PKHD1: variants seen among roughly 807,000 people sequenced by gnomAD.
PKHD1 encodes the protein PKHD1 ciliary IPT domain containing fibrocystin/polyductin.
Under a neutral mutation model 412.0 loss-of-function variants are expected in PKHD1, and 291 were observed. The observed-to-expected ratio is 0.71, with a 90% CI of 0.64 to 0.78. The LOEUF (loss-of-function observed/expected upper bound fraction) is 0.78. Among genes scored for constraint, PKHD1 ranks in the 30% least tolerant of loss-of-function variants. PKHD1 has a pLI of 0.00. For missense variants in PKHD1, 4,825 were observed against 4,950.7 expected (o/e 0.97, Z 0.76); for synonymous variants, 1,777 against 1,821.5 (o/e 0.98, Z 0.62).
chr6:51,655,049 G>T (rs1284807932), intron 61 of PKHD1, among the ~76,000 whole-genome samples: 1 of 151,978 alleles, frequency 6.6e-6, no homozygotes, highest in Non-Finnish European at 1.5e-5. Context: ...CAATAATTTT[G>T]CCATCGACCC....
intron 55 of PKHD1, among the ~76,000 whole-genome samples, chr6:51,771,477 G>C (rs1436262436): frequency 5.3e-5 from 8 of 151,954 alleles, no homozygotes; most frequent in Non-Finnish European, 1.2e-4. Flanking sequence ...AAATTAGCTG[G>C]GCATGGTGGT....
chr6:52,042,788 G>A (rs944608137), intron 27 of PKHD1, 71 bp downstream of exon 27: 47 of 1,334,112 alleles, frequency 3.5e-5, no homozygotes, highest in Non-Finnish European at 4.7e-5. Context: ...TACACAGAAG[G>A]ACTAGATTCC....
At chr6:51,787,652 AAG>A (rs1440311871) in intron 53 of PKHD1, among the ~76,000 whole-genome samples, 1 of 152,220 alleles carries the variant, frequency 6.6e-6, no homozygotes, top group Non-Finnish European at 1.5e-5. Context: ...GGATGAAACA[AAG>A]AGAAAAAGAA....
At chr6:51,960,069 G>A in intron 35 of PKHD1, 43 bp from the exon 36 acceptor site, 1 of 1,603,960 alleles carries the variant, frequency 6.2e-7, no homozygotes, top group Non-Finnish European at 8.5e-7. Flanking sequence ...TTGGTTGGTT[G>A]GCTGGTCTGT....
At chr6:51,986,456 T>C (rs538456498) in intron 35 of PKHD1, among the ~76,000 whole-genome samples, 1 of 152,332 alleles carries the variant, frequency 6.6e-6, no homozygotes, top group Admixed American at 6.5e-5. Flanking sequence ...GATGTGAGAC[T>C]TGCAGTCTGA....
intron 60 of PKHD1, among the ~76,000 whole-genome samples, chr6:51,718,600 G>T (rs976755166): frequency 6.6e-6 from 1 of 152,138 alleles, no homozygotes; most frequent in African/African-American, 2.4e-5. Flanking sequence ...TGGGCACAGA[G>T]AGATTATACC....
At chr6:51,882,479 C>T (rs142580578) in intron 46 of PKHD1, among the ~76,000 whole-genome samples, 160 of 152,292 alleles carry the variant, frequency 1.1e-3, no homozygotes, top group African/African-American at 3.8e-3. Context: ...CAGGAACAAA[C>T]TGAAGAGAAT....
intron 36 of PKHD1, among the ~76,000 whole-genome samples, chr6:51,945,059 A>C (rs1298194021): frequency 6.6e-6 from 1 of 152,234 alleles, no homozygotes; most frequent in Non-Finnish European, 1.5e-5. Flanking sequence ...CATTGTCATT[A>C]CATAGAAATG....
intron 37 of PKHD1, among the ~76,000 whole-genome samples, chr6:51,927,988 C>T (rs957515888): frequency 6.6e-6 from 1 of 152,112 alleles, no homozygotes; most frequent in South Asian, 2.1e-4. Context: ...AGGAGGGAGA[C>T]TCAATAGTCA....
intron 43 of PKHD1, among the ~76,000 whole-genome samples, chr6:51,892,495 G>A (rs1779262971): frequency 6.6e-6 from 1 of 152,186 alleles, no homozygotes; most frequent in Non-Finnish European, 1.5e-5. Context: ...CAGGGATGCT[G>A]TTATACAGAG....
At chr6:51,827,211 T>A (rs969654091) in intron 52 of PKHD1, among the ~76,000 whole-genome samples, 2 of 152,090 alleles carry the variant, frequency 1.3e-5, no homozygotes, top group Non-Finnish European at 2.9e-5. Flanking sequence ...AATAAGCCAT[T>A]GGAAAGCAAA....
Position 51,925,385 on chromosome 6 carries a change from A to G in PKHD1, c.6121+8725T>C, listed in dbSNP as rs537144099. The stretch of plus-strand genomic sequence containing the variant: ...CTGTGATGGTTAATTTTGCGCATCA[A>G]CTTGACTGGGCTATGGGGTACCCAC... On this transcript the variant is annotated intron_variant, in intron 37 of 66. Coordinates refer to ENST00000371117, the MANE Select transcript of PKHD1 (RefSeq NM_138694.4). 5.3e-5 allele frequency among the ~76,000 whole-genome samples: 8 copies of G among 152,200 alleles called. No individual in the cohort carries two copies. The East Asian group carries it at 1.5e-3, about 29-fold the overall frequency.
At chr6:51,744,715 T>C (rs1784979403) in intron 59 of PKHD1, among the ~76,000 whole-genome samples, 173 bp from the exon 60 acceptor site, 1 of 152,172 alleles carries the variant, frequency 6.6e-6, no homozygotes, top group Admixed American at 6.5e-5. Flanking sequence ...TTCCCAATTA[T>C]ATGGTCAAGA....
At chr6:51,693,948 G>A (rs1778473269) in intron 60 of PKHD1, among the ~76,000 whole-genome samples, 1 of 152,010 alleles carries the variant, frequency 6.6e-6, no homozygotes, top group Non-Finnish European at 1.5e-5. Context: ...GTGAACCCAG[G>A]CAATCTGATT....
intron 35 of PKHD1, among the ~76,000 whole-genome samples, chr6:52,002,885 C>T (rs1258623792): frequency 6.6e-6 from 1 of 152,058 alleles, no homozygotes; most frequent in African/African-American, 2.4e-5. Context: ...GAAGAATCTC[C>T]TTAAACAAAA....
At chr6:51,798,165 G>A (rs956579175) in intron 52 of PKHD1, among the ~76,000 whole-genome samples, 2 of 152,142 alleles carry the variant, frequency 1.3e-5, no homozygotes, top group African/African-American at 4.8e-5. Context: ...GATCACTTGA[G>A]GCTAGAAGTT....
Position 52,076,364 on chromosome 6 carries a change from T to C in PKHD1, c.391-31A>G, listed in dbSNP as rs754362878. 4.5e-6 allele frequency: 7 copies of C among 1,562,306 alleles called. No homozygotes were observed. The African/African-American group carries it at 5.4e-5, about 12-fold the overall frequency. On this transcript the variant is annotated intron_variant, in intron 5 of 66. Coordinates refer to ENST00000371117, the MANE Select transcript of PKHD1 (RefSeq NM_138694.4). ...TAGAAAATAGTACCACAAGTGAGCA[T>C]GTCATTAAAATATTCACAAACACAG...
chr6:51,644,708 G>A (rs1397619810), intron 63 of PKHD1, among the ~76,000 whole-genome samples: 1 of 147,922 alleles, frequency 6.8e-6, no homozygotes, highest in African/African-American at 2.5e-5. Flanking sequence ...TTGAGCTGGA[G>A]TCTCACTCTG....
chr6:51,972,626 T>C (rs1288421464), intron 35 of PKHD1, among the ~76,000 whole-genome samples: 1 of 152,240 alleles, frequency 6.6e-6, no homozygotes, highest in Non-Finnish European at 1.5e-5. Context: ...TACTGGGTGC[T>C]CACTCTGAGC....
Sources: gnomAD v4.1 joint callset for allele counts (sites outside exome capture counted in the v4.1 genomes callset) on GRCh38, gnomAD v4.1.1 for gene constraint, MANE v1.5 for transcripts, NCBI Gene and HGNC (gene_info 2026-07-23, HGNC 2026-07-21) for gene names.